ME3: variants seen among roughly 807,000 people sequenced by gnomAD.
The protein encoded by ME3 is NADP-dependent malic enzyme, mitochondrial.
Under a neutral mutation model 68.9 loss-of-function variants are expected in ME3, and 48 were observed. That is an observed-to-expected ratio of 0.70 (90% CI 0.55 to 0.89). The LOEUF (loss-of-function observed/expected upper bound fraction) is 0.89, where lower values mean the gene tolerates loss of function less well. ME3 is among the 40% of genes least tolerant of loss of function. ME3 has a pLI of 0.00. For synonymous variants in ME3, 320 were observed against 318.8 expected (o/e 1.00, Z -0.04); for missense variants, 675 against 797.4 (o/e 0.85, Z 1.85).
At chr11:86,654,137 A>G (rs999178377) in intron 2 of ME3, among the ~76,000 whole-genome samples, 2 of 152,162 alleles carry the variant, frequency 1.3e-5, no homozygotes, top group African/African-American at 4.8e-5. Flanking sequence ...CCAGGACCAG[A>G]TGGATTCACA....
chr11:86,451,384 C>T (rs761550504), intron 8 of ME3, among the ~76,000 whole-genome samples: 4 of 152,170 alleles, frequency 2.6e-5, no homozygotes, highest in Non-Finnish European at 5.9e-5. Context: ...AACAGTCTTT[C>T]AATAATCAGG....
At chr11:86,473,740 G>A (rs762413473) in intron 7 of ME3, among the ~76,000 whole-genome samples, 1 of 151,958 alleles carries the variant, frequency 6.6e-6, no homozygotes, top group Non-Finnish European at 1.5e-5. Flanking sequence ...CATGTTTTGC[G>A]GAAGGATTCA....
intron 4 of ME3, among the ~76,000 whole-genome samples, chr11:86,531,090 T>A (rs1217309247): frequency 1.1e-4 from 17 of 152,114 alleles, no homozygotes; most frequent in Non-Finnish European, 2.4e-4. Context: ...AATTTTTGCA[T>A]TCTACTCATC....
At chr11:86,533,033 C>A (rs80010269) in intron 4 of ME3, among the ~76,000 whole-genome samples, 1 of 150,942 alleles carries the variant, frequency 6.6e-6, no homozygotes, top group African/African-American at 2.4e-5. Flanking sequence ...GCCTGGGTGA[C>A]AGAGCAAGAT....
chr11:86,671,557 A>AT (rs1946943555), intron 2 of ME3: 1 of 591,202 alleles, frequency 1.7e-6, no homozygotes, highest in Non-Finnish European at 2.9e-6. Context: ...GGCTCCCTGC[A>AT]TTACTGGTCG....
intron 7 of ME3, among the ~76,000 whole-genome samples, chr11:86,474,562 C>G (rs1212099920): frequency 6.6e-6 from 1 of 152,238 alleles, no homozygotes; most frequent in Non-Finnish European, 1.5e-5. Context: ...GGCCACCAAC[C>G]CACTGGCTGG....
At chr11:86,464,661 T>C (rs1950389220) in intron 8 of ME3, among the ~76,000 whole-genome samples, 2 of 152,354 alleles carry the variant, frequency 1.3e-5, no homozygotes, top group South Asian at 4.1e-4. Flanking sequence ...TGCTTCGGTC[T>C]GATGAGTTTT....
chr11:86,655,838 C>G (rs1182294496), intron 2 of ME3, among the ~76,000 whole-genome samples: 1 of 151,946 alleles, frequency 6.6e-6, no homozygotes, highest in Non-Finnish European at 1.5e-5. Flanking sequence ...AAAATTTTCG[C>G]AACCTACTCA....
At chr11:86,542,314 T>C (rs552364896) in intron 4 of ME3, among the ~76,000 whole-genome samples, 2 of 152,280 alleles carry the variant, frequency 1.3e-5, no homozygotes, top group African/African-American at 4.8e-5. Flanking sequence ...CTTTGATTAA[T>C]TGACAGAAGT....
At position 86,578,358 on chromosome 11, in the gene ME3, T is replaced by G. The variant is rs73524006; in HGVS notation, c.184-18535A>C. ...CTCCAGCAACACAACAGCACTTTGATGGACTCAGCTTGGGAGGACTGGGTC... is the reference window on the plus strand; with the variant it reads ...CTCCAGCAACACAACAGCACTTTGAGGGACTCAGCTTGGGAGGACTGGGTC... On this transcript the variant is annotated intron_variant, in intron 2 of 14. Transcript: ENST00000543262. 4.7e-3 allele frequency among the ~76,000 whole-genome samples: 720 copies of G among 152,222 alleles called. 10 individuals carry two copies. Among genetic ancestry groups the G allele is most frequent in the African/African-American group, 0.017 (702 of 41,554 alleles).
At chr11:86,514,365 A>C (rs61904412) in intron 4 of ME3, among the ~76,000 whole-genome samples, 10,315 of 152,260 alleles carry the variant, frequency 0.068, 427 homozygotes, top group Non-Finnish European at 0.094. Flanking sequence ...ACCCCTCTGC[A>C]TTCCTTCTTA....
At chr11:86,618,740 C>T (rs1355134488) in intron 2 of ME3, among the ~76,000 whole-genome samples, 6 of 143,324 alleles carry the variant, frequency 4.2e-5, no homozygotes, top group African/African-American at 1.0e-4. Flanking sequence ...TTTTTTGAGA[C>T]GGAGTCTCAC....
chr11:86,648,515 CA>C (rs57291273), intron 2 of ME3, among the ~76,000 whole-genome samples: 71,495 of 147,104 alleles, frequency 0.49, 18,659 homozygotes, highest in East Asian at 0.79. Flanking sequence ...AAAAACCTTT[CA>C]AAAAAAAAAA....
chr11:86,660,472 T>C (rs954284847), intron 2 of ME3, among the ~76,000 whole-genome samples: 1 of 152,234 alleles, frequency 6.6e-6, no homozygotes, highest in Non-Finnish European at 1.5e-5. Flanking sequence ...CAAGTAGATA[T>C]GTTTTATTGT....
At chr11:86,600,597 C>T (rs1368272525) in intron 2 of ME3, among the ~76,000 whole-genome samples, 115 of 151,052 alleles carry the variant, frequency 7.6e-4, no homozygotes, top group Middle Eastern at 3.4e-3. Flanking sequence ...CTGCACCAAG[C>T]GGACCTAATA....
chr11:86,627,247 A>G (rs986873706), intron 2 of ME3, among the ~76,000 whole-genome samples: 2 of 152,228 alleles, frequency 1.3e-5, no homozygotes, highest in African/African-American at 4.8e-5. Flanking sequence ...TTATGGGTAA[A>G]ATAGAGTGTG....
intron 2 of ME3, among the ~76,000 whole-genome samples, chr11:86,609,585 A>C (rs1213631686): frequency 6.6e-6 from 1 of 152,220 alleles, no homozygotes; most frequent in African/African-American, 2.4e-5. Flanking sequence ...GCATGCACAC[A>C]CACACACCCC....
intron 2 of ME3, among the ~76,000 whole-genome samples, chr11:86,573,409 T>C (rs1210318987): frequency 6.7e-6 from 1 of 149,240 alleles, no homozygotes; most frequent in Non-Finnish European, 1.5e-5. Context: ...TTTTATAGTT[T>C]TGGGTTTTAC....
At chr11:86,504,847 C>T (rs139650483) in intron 5 of ME3, among the ~76,000 whole-genome samples, 22 of 152,038 alleles carry the variant, frequency 1.4e-4, no homozygotes, top group East Asian at 3.9e-4. Flanking sequence ...CCTGCCACCA[C>T]GCCAAGCTCA....
Sources: gnomAD v4.1 joint callset for allele counts (sites outside exome capture counted in the v4.1 genomes callset) on GRCh38, gnomAD v4.1.1 for gene constraint, MANE v1.5 for transcripts, NCBI Gene and HGNC (gene_info 2026-07-23, HGNC 2026-07-21) for gene names.